The following VEGFC variants were observed in gnomAD, a reference collection of about 807,000 sequenced individuals.
VEGFC encodes FLT4 ligand DHM.
In VEGFC, 12 loss-of-function variants were observed where a neutral mutation model predicts 46.1. That is an observed-to-expected ratio of 0.26 (90% CI 0.17 to 0.42). The LOEUF (loss-of-function observed/expected upper bound fraction) is 0.42, where lower values mean the gene tolerates loss of function less well. Among genes scored for constraint, VEGFC ranks in the 10% least tolerant of loss-of-function variants. VEGFC has a pLI of 1.00. For synonymous variants in VEGFC, 232 were observed against 195.5 expected (o/e 1.19, Z -1.56); for missense variants, 488 against 529.4 (o/e 0.92, Z 0.77).
At chr4:176,707,894 A>G (rs974121049) in intron 4 of VEGFC, among the ~76,000 whole-genome samples, 1 of 152,062 alleles carries the variant, frequency 6.6e-6, no homozygotes, top group African/African-American at 2.4e-5. Flanking sequence ...CCCTGTGGAT[A>G]TTGCTTATGC....
chr4:176,768,172 C>G (rs180701036), intron 1 of VEGFC, among the ~76,000 whole-genome samples: 135 of 152,006 alleles, frequency 8.9e-4, no homozygotes, highest in African/African-American at 2.7e-3. Context: ...TGTCTGTTAG[C>G]CATCTGAGTG....
chr4:176,721,656 G>A (rs1014747479), intron 3 of VEGFC, among the ~76,000 whole-genome samples: 3 of 152,322 alleles, frequency 2.0e-5, no homozygotes, highest in Non-Finnish European at 4.4e-5. Context: ...AACTTGGCTT[G>A]ACCGACTGGC....
chr4:176,713,455 A>T (rs753085606), intron 3 of VEGFC, among the ~76,000 whole-genome samples: 3 of 152,122 alleles, frequency 2.0e-5, no homozygotes, highest in Non-Finnish European at 4.4e-5. Flanking sequence ...GGTTTTAAAA[A>T]GCAATTTTTA....
intron 4 of VEGFC, among the ~76,000 whole-genome samples, chr4:176,690,194 A>G (rs1734127962): frequency 6.6e-6 from 1 of 152,132 alleles, no homozygotes. Context: ...ATAAACTGTT[A>G]TTTGCTTTAT....
At chr4:176,723,370 A>C (rs1443016846) in intron 3 of VEGFC, among the ~76,000 whole-genome samples, 1 of 151,852 alleles carries the variant, frequency 6.6e-6, no homozygotes, top group African/African-American at 2.4e-5. Context: ...TTGGGGGTCC[A>C]TGTGCAGGTT....
intron 1 of VEGFC, among the ~76,000 whole-genome samples, chr4:176,738,198 C>T (rs1560950805): frequency 6.6e-6 from 1 of 151,974 alleles, no homozygotes; most frequent in Non-Finnish European, 1.5e-5. Context: ...ATTAGAAAAA[C>T]TTTTAAAAAA....
intron 4 of VEGFC, among the ~76,000 whole-genome samples, chr4:176,690,633 TTAAAATTTA>T (rs1337098828): frequency 7.2e-5 from 11 of 152,126 alleles, no homozygotes; most frequent in Non-Finnish European, 1.2e-4. Context: ...ATCATTGTTT[TTAAAATTTA>T]TATCCTCTTG....
intron 1 of VEGFC, among the ~76,000 whole-genome samples, chr4:176,772,596 T>C (rs531977144): frequency 6.6e-6 from 1 of 152,306 alleles, no homozygotes; most frequent in South Asian, 2.1e-4. Context: ...ACTTCATGTG[T>C]TGGAAATTTA....
intron 1 of VEGFC, among the ~76,000 whole-genome samples, chr4:176,748,606 T>C (rs1003528706): frequency 1.3e-5 from 2 of 151,942 alleles, no homozygotes; most frequent in Non-Finnish European, 2.9e-5. Flanking sequence ...AAGAATATAA[T>C]AGGTATTAAA....
At chr4:176,752,195 TTAA>T (rs1735353963) in intron 1 of VEGFC, among the ~76,000 whole-genome samples, 1 of 151,888 alleles carries the variant, frequency 6.6e-6, no homozygotes, top group African/African-American at 2.4e-5. Flanking sequence ...CTTCATGGAG[TTAA>T]TGAAGTTCTT....
At position 176,792,449 on chromosome 4, in the gene VEGFC, A is replaced by G; in HGVS notation, c.-138T>C. 1.7e-6 allele frequency: 1 copy of G among 604,566 alleles called. No homozygotes were observed. The highest frequency in any genetic ancestry group is 2.5e-6 in the Non-Finnish European group (1 of 400,182). The allele number at this position is 604,566 out of a possible 1,614,324, so 37.5% of individuals were successfully genotyped here. On this transcript the variant is annotated 5_prime_UTR_variant, in exon 1 of 7. Transcript: ENST00000618562. The surrounding 1 kb of genome is among the most constrained non-coding windows in gnomAD (Gnocchi z 6.3). ...CGGCGACCCCCCCTGGGCGAGCCGG[A>G]GGCGGCGGGAGCGGGTCCGGGGCTC...
At chr4:176,695,302 C>T (rs1734289134) in intron 4 of VEGFC, among the ~76,000 whole-genome samples, 1 of 149,900 alleles carries the variant, frequency 6.7e-6, no homozygotes, top group Admixed American at 6.6e-5. Flanking sequence ...GGGATATCAC[C>T]ACCGATCCCA....
intron 3 of VEGFC, among the ~76,000 whole-genome samples, chr4:176,722,131 GA>G (rs746726684): frequency 1.3e-4 from 19 of 150,730 alleles, no homozygotes; most frequent in African/African-American, 4.6e-4. Flanking sequence ...CAATAGGATA[GA>G]AAAAAAACTG....
intron 1 of VEGFC, among the ~76,000 whole-genome samples, chr4:176,737,412 A>G: frequency 1.3e-5 from 2 of 149,444 alleles, no homozygotes; most frequent in East Asian, 4.0e-4. Flanking sequence ...TAACATTTCT[A>G]TGTTAAATTT....
intron 1 of VEGFC, among the ~76,000 whole-genome samples, chr4:176,781,878 G>A (rs895777593): frequency 1.8e-4 from 27 of 152,208 alleles, no homozygotes; most frequent in African/African-American, 6.5e-4. Context: ...AACACTGCTT[G>A]CCTGAAGCAG....
chr4:176,765,550 A>ATTTTTTTTTTTTTT (rs779746169), intron 1 of VEGFC, among the ~76,000 whole-genome samples: 1 of 131,516 alleles, frequency 7.6e-6, no homozygotes, highest in Non-Finnish European at 1.6e-5. Context: ...CAAAGACAGA[A>ATTTTTTTTTTTTTT]TTTTTTTTTT....
At position 176,703,401 on chromosome 4, in the gene VEGFC, C is replaced by A. The variant is rs142760023; in HGVS notation, c.704+8098G>T. 2.2e-3 allele frequency among the ~76,000 whole-genome samples: 341 copies of A among 152,104 alleles called. 2 individuals are homozygous for A. Among genetic ancestry groups the A allele is most frequent in the African/African-American group, 7.8e-3 (325 of 41,506 alleles). ...GAAAGACACATATCTCATGTTCTCACTCATTTATGAGAGCCAAAAAGTGAA... is the reference window on the plus strand; with the variant it reads ...GAAAGACACATATCTCATGTTCTCAATCATTTATGAGAGCCAAAAAGTGAA... On this transcript the variant is annotated intron_variant, in intron 4 of 6. Coordinates refer to ENST00000618562, the MANE Select transcript of VEGFC (RefSeq NM_005429.5).
intron 1 of VEGFC, among the ~76,000 whole-genome samples, chr4:176,760,677 A>G (rs1735513827): frequency 6.6e-6 from 1 of 152,180 alleles, no homozygotes; most frequent in Non-Finnish European, 1.5e-5. Context: ...GCTGTTCTCT[A>G]AAACACAGAA....
At chr4:176,711,769 A>G in intron 3 of VEGFC, 119 bp from the exon 4 acceptor site, 1 of 895,136 alleles carries the variant, frequency 1.1e-6, no homozygotes, top group Non-Finnish European at 1.7e-6. Flanking sequence ...TGCCTAGTGT[A>G]CGCAGGACGC....
Sources: allele counts gnomAD v4.1 joint callset (sites outside exome capture counted in the v4.1 genomes callset), GRCh38; gene constraint gnomAD v4.1.1; non-coding constraint Gnocchi (gnomAD v3.1); transcripts MANE v1.5; gene names NCBI Gene and HGNC (gene_info 2026-07-23, HGNC 2026-07-21).